The following DCC variants were observed in gnomAD, a reference collection of about 807,000 sequenced individuals.
DCC encodes the protein DCC netrin 1 receptor.
In DCC, 58 loss-of-function variants were observed where a neutral mutation model predicts 172.5. That is an observed-to-expected ratio of 0.34 (90% CI 0.27 to 0.42). The LOEUF is 0.42. DCC is among the 10% of genes least tolerant of loss of function. The probability of loss-of-function intolerance (pLI) is 1.00; values close to 1 mark genes in which losing one functional copy is unlikely to be tolerated. For missense variants in DCC, 1,740 were observed against 1,791.0 expected (o/e 0.97, Z 0.51); for synonymous variants, 709 against 644.5 (o/e 1.10, Z -1.52).
intron 2 of DCC, among the ~76,000 whole-genome samples, chr18:52,822,351 C>T (rs1351522959): frequency 6.6e-6 from 1 of 152,196 alleles, no homozygotes; most frequent in African/African-American, 2.4e-5. Flanking sequence ...CTACCTACTG[C>T]TCATTCCAAA....
At chr18:52,919,797 C>G (rs1185509115) in intron 3 of DCC, among the ~76,000 whole-genome samples, 1 of 151,902 alleles carries the variant, frequency 6.6e-6, no homozygotes, top group Non-Finnish European at 1.5e-5. Flanking sequence ...ATAAGAAGAA[C>G]AAAGTCAAAG....
At chr18:53,181,011 C>A (rs975067837) in intron 9 of DCC, among the ~76,000 whole-genome samples, 10 of 152,036 alleles carry the variant, frequency 6.6e-5, no homozygotes, top group African/African-American at 2.2e-4. Context: ...TGATTAAAAG[C>A]AAATTAGGTT....
At chr18:52,821,670 T>G (rs918543038) in intron 2 of DCC, among the ~76,000 whole-genome samples, 2 of 152,220 alleles carry the variant, frequency 1.3e-5, no homozygotes, top group Non-Finnish European at 2.9e-5. Flanking sequence ...CTTCTCAAAC[T>G]TTTAACCTAG....
At chr18:53,237,388 C>A (rs1162124169) in intron 12 of DCC, among the ~76,000 whole-genome samples, 1 of 152,094 alleles carries the variant, frequency 6.6e-6, no homozygotes, top group Non-Finnish European at 1.5e-5. Context: ...CACAAAAATT[C>A]TGTGAAGTAG....
chr18:52,470,971 G>A (rs771683512), intron 1 of DCC, among the ~76,000 whole-genome samples: 1 of 152,188 alleles, frequency 6.6e-6, no homozygotes, highest in Non-Finnish European at 1.5e-5. Context: ...TGCTGACCTC[G>A]AAGTACTGAG....
intron 1 of DCC, among the ~76,000 whole-genome samples, chr18:52,746,197 A>G (rs930653696): frequency 2.0e-5 from 3 of 152,202 alleles, no homozygotes; most frequent in Non-Finnish European, 4.4e-5. Flanking sequence ...CAAATGTGGT[A>G]GCATCTATTT....
In DCC at chr18:52,562,951, C is replaced by T. The variant is rs568158616; in HGVS notation, c.92-189103C>T. ...GGCGTTAATCATTTTATTGAAACAA[C>T]AGCAGAAAAATTGACTTCTGAAGTT... On this transcript the variant is annotated intron_variant, in intron 1 of 28. Coordinates refer to ENST00000442544, the MANE Select transcript of DCC (RefSeq NM_005215.4). Among the ~76,000 whole-genome samples the T allele has an allele frequency of 3.3e-5, 5 of 152,166 alleles. No homozygotes were observed. In the South Asian group the frequency reaches 1.0e-3, roughly 32 times the overall value.
intron 27 of DCC, among the ~76,000 whole-genome samples, chr18:53,504,376 C>A (rs567306526): frequency 4.4e-4 from 67 of 152,210 alleles, no homozygotes; most frequent in Middle Eastern, 3.4e-3. Context: ...AAAGGCCAGT[C>A]AGATAGAATA....
chr18:52,473,632 A>G (rs561266547), intron 1 of DCC, among the ~76,000 whole-genome samples: 2 of 152,296 alleles, frequency 1.3e-5, no homozygotes, highest in East Asian at 1.9e-4. Context: ...TTATGAAACC[A>G]TCAGCTCTCG....
At chr18:53,130,911 A>G (rs1001161298) in intron 7 of DCC, among the ~76,000 whole-genome samples, 1 of 152,106 alleles carries the variant, frequency 6.6e-6, no homozygotes, top group East Asian at 1.9e-4. Context: ...TTTTAATTGT[A>G]CACGGGATGT....
chr18:52,351,643 T>A (rs1024642571), intron 1 of DCC, among the ~76,000 whole-genome samples: 11 of 152,198 alleles, frequency 7.2e-5, no homozygotes, highest in Non-Finnish European at 4.4e-5. Context: ...AACTTCACCT[T>A]TTCTATAAAA....
intron 5 of DCC, among the ~76,000 whole-genome samples, chr18:52,971,435 A>G (rs986337197): frequency 6.6e-6 from 1 of 152,016 alleles, no homozygotes; most frequent in African/African-American, 2.4e-5. Flanking sequence ...TGTCTTCAGA[A>G]AGGAGTCTGA....
intron 1 of DCC, among the ~76,000 whole-genome samples, chr18:52,527,299 GAAAC>G (rs1291735878): frequency 6.6e-6 from 1 of 152,182 alleles, no homozygotes; most frequent in African/African-American, 2.4e-5. Context: ...TGATTAGAAA[GAAAC>G]AAACATAGCC....
chr18:52,600,057 T>A (rs764893589), intron 1 of DCC, among the ~76,000 whole-genome samples: 6 of 152,234 alleles, frequency 3.9e-5, no homozygotes, highest in Non-Finnish European at 7.3e-5. Context: ...TTCTGCCTTG[T>A]TTATGAAATC....
At chr18:52,948,996 G>T (rs759633032) in intron 5 of DCC, among the ~76,000 whole-genome samples, 11 of 152,194 alleles carry the variant, frequency 7.2e-5, no homozygotes, top group Non-Finnish European at 1.3e-4. Context: ...GTCATGCCAT[G>T]CTTCCTCTGT....
At chr18:52,347,594 C>A (rs566779965) in intron 1 of DCC, among the ~76,000 whole-genome samples, 1 of 152,190 alleles carries the variant, frequency 6.6e-6, no homozygotes, top group Non-Finnish European at 1.5e-5. Context: ...TTCCTCAAAG[C>A]AGTTCTCTCT....
At chr18:52,787,334 G>A (rs1344619317) in intron 2 of DCC, among the ~76,000 whole-genome samples, 1 of 152,006 alleles carries the variant, frequency 6.6e-6, no homozygotes, top group Non-Finnish European at 1.5e-5. Context: ...TCCTTAATAT[G>A]GCTTGATGAT....
At chr18:52,806,807 G>T (rs2038094228) in intron 2 of DCC, among the ~76,000 whole-genome samples, 1 of 152,122 alleles carries the variant, frequency 6.6e-6, no homozygotes, top group Admixed American at 6.5e-5. Context: ...AGGTTCTTCA[G>T]AAGTCAAGTG....
At chr18:52,941,591 A>AT (rs1483442542) in intron 5 of DCC, among the ~76,000 whole-genome samples, 2 of 151,946 alleles carry the variant, frequency 1.3e-5, no homozygotes, top group African/African-American at 4.8e-5. Context: ...ATACATTTAT[A>AT]TTTGCTTTCC....
Sources: allele counts gnomAD v4.1 joint callset (sites outside exome capture counted in the v4.1 genomes callset), GRCh38; gene constraint gnomAD v4.1.1; transcripts MANE v1.5; gene names NCBI Gene and HGNC (gene_info 2026-07-23, HGNC 2026-07-21).